C1QTNF7: variants seen among roughly 807,000 people sequenced by gnomAD.
C1QTNF7 encodes C1q and TNF related 7.
Under a neutral mutation model 19.6 loss-of-function variants are expected in C1QTNF7, and 15 were observed. That is an observed-to-expected ratio of 0.76 (90% CI 0.51 to 1.18). The LOEUF (loss-of-function observed/expected upper bound fraction) is 1.18, where lower values mean the gene tolerates loss of function less well. C1QTNF7 is among the 50% of genes most tolerant of loss of function. C1QTNF7 has a pLI of 0.00. For missense variants in C1QTNF7, 324 were observed against 359.7 expected (o/e 0.90, Z 0.80); for synonymous variants, 142 against 137.5 (o/e 1.03, Z -0.23).
chr4:15,440,747 C>T (rs1027658408), intron 2 of C1QTNF7, among the ~76,000 whole-genome samples: 5 of 152,022 alleles, frequency 3.3e-5, no homozygotes, highest in African/African-American at 7.2e-5. Flanking sequence ...TCAGTTTTCT[C>T]CTCACAAAAT....
At chr4:15,421,610 A>G (rs1386032169) in intron 1 of C1QTNF7, among the ~76,000 whole-genome samples, 8 of 152,196 alleles carry the variant, frequency 5.3e-5, no homozygotes, top group Non-Finnish European at 1.2e-4. Flanking sequence ...TCCTCATCCT[A>G]AACCGAGAGC....
intron 1 of C1QTNF7, among the ~76,000 whole-genome samples, chr4:15,415,349 A>G (rs367726127): frequency 3.7e-4 from 57 of 152,342 alleles, no homozygotes; most frequent in African/African-American, 1.3e-3. Flanking sequence ...TTACATTATC[A>G]ATTATTTATT....
At position 15,445,912 on chromosome 4, in the gene C1QTNF7, G is replaced by A. The variant is rs368598010; in HGVS notation, c.*3113G>A. ...CAGTCAAAAGCAGATGAGAAGAAAT[G>A]GGAAAAACAAAAAAAAAAGAAAATA... On this transcript the variant is annotated 3_prime_UTR_variant, in exon 3 of 3. Coordinates refer to ENST00000444304, the MANE Select transcript of C1QTNF7 (RefSeq NM_031911.5). 39 of 151,944 alleles carry A rather than the reference G, an allele frequency of 2.6e-4. No individual in the cohort carries two copies. Among genetic ancestry groups the A allele is most frequent in the African/African-American group, 8.9e-4 (37 of 41,442 alleles). The allele number at this position is 151,944 out of a possible 1,614,324, so 9.4% of individuals were successfully genotyped here.
At chr4:15,389,505 C>T (rs1416455268) in intron 1 of C1QTNF7, among the ~76,000 whole-genome samples, 1 of 152,134 alleles carries the variant, frequency 6.6e-6, no homozygotes. Context: ...CTTCAACCTC[C>T]GTCTCCCAGG....
At chr4:15,399,829 T>G (rs1452035454) in intron 1 of C1QTNF7, among the ~76,000 whole-genome samples, 4 of 152,226 alleles carry the variant, frequency 2.6e-5, no homozygotes, top group Non-Finnish European at 5.9e-5. Context: ...TTTCAAGTAG[T>G]ATATACTGAG....
At chr4:15,431,407 A>G (rs1270866896) in intron 1 of C1QTNF7, among the ~76,000 whole-genome samples, 1 of 152,210 alleles carries the variant, frequency 6.6e-6, no homozygotes, top group Non-Finnish European at 1.5e-5. Context: ...GGTATCCAGA[A>G]GACTCAAAGG....
At chr4:15,343,611 A>G (rs1461732115) in intron 1 of C1QTNF7, among the ~76,000 whole-genome samples, 2 of 152,184 alleles carry the variant, frequency 1.3e-5, no homozygotes, top group African/African-American at 4.8e-5. Context: ...CCTAACTTCA[A>G]TGAGCTACCA....
At chr4:15,393,877 G>C (rs1283973205) in intron 1 of C1QTNF7, among the ~76,000 whole-genome samples, 5 of 152,186 alleles carry the variant, frequency 3.3e-5, no homozygotes, top group Non-Finnish European at 7.3e-5. Context: ...CAGAAACTCT[G>C]TTCCCACACA....
intron 1 of C1QTNF7, chr4:15,340,329 T>C (rs1716495822): frequency 2.0e-5 from 24 of 1,210,284 alleles, no homozygotes; most frequent in South Asian, 1.8e-4. Flanking sequence ...TGTAAAAATA[T>C]GTCAACAAAT....
At chr4:15,391,973 G>C (rs1290636296) in intron 1 of C1QTNF7, among the ~76,000 whole-genome samples, 1 of 152,144 alleles carries the variant, frequency 6.6e-6, no homozygotes, top group Non-Finnish European at 1.5e-5. Context: ...AGAGAGGAAG[G>C]GAGTGGGGAA....
intron 1 of C1QTNF7, among the ~76,000 whole-genome samples, chr4:15,349,995 AG>A (rs1211018420): frequency 6.7e-6 from 1 of 150,214 alleles, no homozygotes; most frequent in African/African-American, 2.5e-5. Context: ...GATGGTTTAT[AG>A]GAGAAAAATA....
At chr4:15,417,761 G>A (rs1719653926) in intron 1 of C1QTNF7, among the ~76,000 whole-genome samples, 2 of 152,076 alleles carry the variant, frequency 1.3e-5, no homozygotes, top group South Asian at 4.2e-4. Flanking sequence ...GGTTTAATTG[G>A]CTCACAGTTC....
At chr4:15,391,073 G>A (rs1718539524) in intron 1 of C1QTNF7, among the ~76,000 whole-genome samples, 1 of 151,910 alleles carries the variant, frequency 6.6e-6, no homozygotes, top group African/African-American at 2.4e-5. Context: ...TTAAAGTCTG[G>A]GGGTAGATCT....
At chr4:15,411,333 T>C (rs2108916431) in intron 1 of C1QTNF7, among the ~76,000 whole-genome samples, 1 of 152,318 alleles carries the variant, frequency 6.6e-6, no homozygotes, top group East Asian at 1.9e-4. Context: ...ATTTTCACTA[T>C]TCATGCTTTT....
intron 1 of C1QTNF7, among the ~76,000 whole-genome samples, chr4:15,350,173 AGGAGGGAGGCAG>A (rs1716867000): frequency 3.7e-5 from 1 of 27,336 alleles, no homozygotes; most frequent in African/African-American, 1.7e-4. Flanking sequence ...GAGGGAGCGA[AGGAGGGAGGCAG>A]GAAGGAAGGA....
intron 1 of C1QTNF7, among the ~76,000 whole-genome samples, chr4:15,434,164 C>T (rs1471033440): frequency 2.0e-5 from 3 of 151,564 alleles, no homozygotes; most frequent in Non-Finnish European, 4.4e-5. Flanking sequence ...AAATGTTCTC[C>T]TTGCTTTTTT....
upstream of C1QTNF7, among the ~76,000 whole-genome samples, chr4:15,425,315 C>T (rs879628639): frequency 6.6e-6 from 1 of 152,090 alleles, no homozygotes; most frequent in Non-Finnish European, 1.5e-5. Context: ...ATCCAAATTA[C>T]GTGCTAGAAG....
rs777557321 is a variant in C1QTNF7 at position 15,435,697 on chromosome 4, C to T, written c.-8-39C>T. On this transcript the variant is annotated intron_variant, in intron 1 of 2. Transcript: ENST00000444304. Reference sequence around the variant, plus strand: ...TCATGCCAAACCACACCCCTCCCAACACAGAAAGTTCATTTACGTCTGTGT... The same window carrying T: ...TCATGCCAAACCACACCCCTCCCAATACAGAAAGTTCATTTACGTCTGTGT... 1.2e-5 allele frequency: 19 copies of T among 1,609,266 alleles called. No individual in the cohort carries two copies. In the Admixed American group the frequency reaches 2.2e-4, roughly 18 times the overall value.
chr4:15,428,758 A>G (rs865984656), intron 1 of C1QTNF7, among the ~76,000 whole-genome samples: 1 of 152,168 alleles, frequency 6.6e-6, no homozygotes. Context: ...TGTCCCAATC[A>G]CAGTGCCACT....
Sources: gnomAD v4.1 joint callset for allele counts (sites outside exome capture counted in the v4.1 genomes callset) on GRCh38, gnomAD v4.1.1 for gene constraint, MANE v1.5 for transcripts, NCBI Gene and HGNC (gene_info 2026-07-23, HGNC 2026-07-21) for gene names.